The following PBX1 variants were observed in gnomAD, a reference collection of about 807,000 sequenced individuals.
PBX1 encodes PBX homeobox 1.
PBX1 carries 6 observed loss-of-function variants against 53.4 expected under a neutral mutation model. The observed-to-expected ratio is 0.11, with a 90% confidence interval of 0.06 to 0.22. PBX1 has a LOEUF of 0.22. PBX1 is among the 10% of genes least tolerant of loss of function. The pLI, the probability that PBX1 is intolerant of heterozygous loss-of-function variation, is 1.00. For missense variants in PBX1, 251 were observed against 551.4 expected (o/e 0.46, Z 5.46); for synonymous variants, 204 against 212.3 (o/e 0.96, Z 0.34).
chr1:164,880,167 C>A (rs1440415186), intron 2 of PBX1, among the ~76,000 whole-genome samples: 1 of 152,200 alleles, frequency 6.6e-6, no homozygotes, highest in Non-Finnish European at 1.5e-5. Flanking sequence ...CACATCTCCT[C>A]ATACCCCTAT....
chr1:164,673,375 C>G (rs1661218237), intron 2 of PBX1, among the ~76,000 whole-genome samples: 1 of 151,632 alleles, frequency 6.6e-6, no homozygotes, highest in Non-Finnish European at 1.5e-5. Context: ...AACTTGTTCT[C>G]TAGTGAGTCC....
chr1:164,820,835 T>A (rs78921759), intron 7 of PBX1, among the ~76,000 whole-genome samples: 2,707 of 152,288 alleles, frequency 0.018, 34 homozygotes, highest in East Asian at 0.048. Flanking sequence ...TGAAACATGT[T>A]GTGAGAGGGT....
chr1:164,764,247 C>G (rs1666946478), intron 2 of PBX1, among the ~76,000 whole-genome samples: 1 of 152,150 alleles, frequency 6.6e-6, no homozygotes, highest in African/African-American at 2.4e-5. Context: ...CACATCATAC[C>G]TCAGAGGTAC....
At chr1:164,626,073 GT>G in intron 2 of PBX1, 2 of 1,034,296 alleles carry the variant, frequency 1.9e-6, no homozygotes, top group Non-Finnish European at 2.3e-6. Context: ...CACCACCCCA[GT>G]TTTGGGTGGG....
chr1:164,814,821 T>C (rs1194668070), intron 6 of PBX1: 1 of 152,422 alleles, frequency 6.6e-6, no homozygotes, highest in Non-Finnish European at 1.5e-5. Flanking sequence ...GGCTTCTGTA[T>C]GGAGAACAGC....
At chr1:164,799,052 C>G (rs1668924101) in intron 3 of PBX1, among the ~76,000 whole-genome samples, 1 of 152,138 alleles carries the variant, frequency 6.6e-6, no homozygotes, top group Non-Finnish European at 1.5e-5. Context: ...ACCCCAAACT[C>G]TCTTTGGCTG....
At chr1:164,791,209 G>T (rs74121238) in intron 2 of PBX1, among the ~76,000 whole-genome samples, 1,707 of 152,022 alleles carry the variant, frequency 0.011, 36 homozygotes, top group African/African-American at 0.039. Context: ...TTTATTTTAT[G>T]GGAGGTTGTC....
intron 2 of PBX1, among the ~76,000 whole-genome samples, chr1:164,591,963 C>T (rs1205639457): frequency 6.6e-6 from 1 of 152,158 alleles, no homozygotes; most frequent in African/African-American, 2.4e-5. Context: ...CTAGACTTTC[C>T]ACCTCCCCTG....
chr1:164,792,157 ACT>A (rs1668547282), intron 2 of PBX1, among the ~76,000 whole-genome samples: 1 of 152,076 alleles, frequency 6.6e-6, no homozygotes, highest in Non-Finnish European at 1.5e-5. Context: ...CATCTCAAAA[ACT>A]CAGCTTCCCA....
chr1:164,640,547 TTTTTTTTTGTG>T (rs1393353912), intron 2 of PBX1, among the ~76,000 whole-genome samples: 1 of 76,726 alleles, frequency 1.3e-5, no homozygotes, highest in South Asian at 6.2e-4. Flanking sequence ...TTTTTGGTGT[TTTTTTTTTGTG>T]TTTTTTTTTT....
chr1:164,864,608 G>A (rs553293859), intron 2 of PBX1, among the ~76,000 whole-genome samples: 2 of 152,100 alleles, frequency 1.3e-5, no homozygotes, highest in Non-Finnish European at 2.9e-5. Context: ...AGAGCAAACT[G>A]GGGGAGGGAA....
At chr1:164,618,410 C>G (rs1189266173) in intron 2 of PBX1, among the ~76,000 whole-genome samples, 1 of 150,850 alleles carries the variant, frequency 6.6e-6, no homozygotes, top group Non-Finnish European at 1.5e-5. Flanking sequence ...ATGACTGTCT[C>G]CTACTCCGTT....
At chr1:164,565,982 G>A (rs1571229522) in intron 2 of PBX1, among the ~76,000 whole-genome samples, 1 of 151,992 alleles carries the variant, frequency 6.6e-6, no homozygotes, top group African/African-American at 2.4e-5. Context: ...ATTCTAACAC[G>A]AAGTTCATAC....
At chr1:164,823,212 A>G (rs911554075) in intron 8 of PBX1, among the ~76,000 whole-genome samples, 1 of 152,162 alleles carries the variant, frequency 6.6e-6, no homozygotes, top group South Asian at 2.1e-4. Flanking sequence ...TTCTAACTAC[A>G]TTAACTATTA....
At chr1:164,789,820 G>A (rs910860652) in intron 2 of PBX1, among the ~76,000 whole-genome samples, 3 of 152,202 alleles carry the variant, frequency 2.0e-5, no homozygotes, top group Non-Finnish European at 2.9e-5. Flanking sequence ...CCTGCCAGCC[G>A]TGGGGGCTTA....
intron 2 of PBX1, among the ~76,000 whole-genome samples, chr1:164,776,120 G>A (rs1667630513): frequency 6.6e-6 from 1 of 152,134 alleles, no homozygotes; most frequent in East Asian, 1.9e-4. Context: ...CAAGGAATGG[G>A]TCTTTGATTT....
At chr1:164,689,888 C>T (rs1662360062) in intron 2 of PBX1, among the ~76,000 whole-genome samples, 1 of 151,946 alleles carries the variant, frequency 6.6e-6, no homozygotes, top group Non-Finnish European at 1.5e-5. Flanking sequence ...TAATGCAGTT[C>T]CCCTCTCACT....
At chr1:164,866,743 AAGCC>A (rs1391346176) in intron 2 of PBX1, among the ~76,000 whole-genome samples, 1 of 152,222 alleles carries the variant, frequency 6.6e-6, no homozygotes, top group Non-Finnish European at 1.5e-5. Flanking sequence ...TTCCCAAATT[AAGCC>A]AGATAACTAT....
intron 2 of PBX1, among the ~76,000 whole-genome samples, chr1:164,871,870 TAAACAAACA>T (rs746240940): frequency 0.81 from 122,997 of 151,968 alleles, 50,537 homozygotes; most frequent in Middle Eastern, 0.93. Context: ...AGCACATGTT[TAAACAAACA>T]TATACTTGTT....
Sources: allele counts gnomAD v4.1 joint callset (sites outside exome capture counted in the v4.1 genomes callset), GRCh38; gene constraint gnomAD v4.1.1; transcripts MANE v1.5; gene names NCBI Gene and HGNC (gene_info 2026-07-23, HGNC 2026-07-21).